Variants in PLD5 observed in about 807,000 individuals in gnomAD.
The protein encoded by PLD5 is inactive phospholipase D5.
In PLD5, 36 loss-of-function variants were observed where a neutral mutation model predicts 61.1. The ratio of observed to expected loss-of-function variants is 0.59; its 90% confidence interval spans 0.45 to 0.78. PLD5 has a LOEUF of 0.78. Ranked by LOEUF, PLD5 falls within the 30% of genes least tolerant of loss-of-function variation. The pLI is 0.00. For synonymous variants in PLD5, 243 were observed against 242.8 expected, an observed-to-expected ratio of 1.00 and a Z score of -0.01; for missense variants, 515 against 644.4, an observed-to-expected ratio of 0.80 and a Z score of 2.17.
At chr1:242,481,700 T>G (rs1667782910) in intron 1 of PLD5, among the ~76,000 whole-genome samples, 1 of 152,220 alleles carries the variant, frequency 6.6e-6, no homozygotes, top group African/African-American at 2.4e-5. Context: ...TTGACAGCTT[T>G]GAAGACAGTA....
At chr1:242,354,693 T>A (rs534078964) in intron 1 of PLD5, among the ~76,000 whole-genome samples, 22 of 152,178 alleles carry the variant, frequency 1.4e-4, no homozygotes, top group African/African-American at 4.6e-4. Flanking sequence ...AGAATGGGCA[T>A]CCTTGTCTTA....
intron 1 of PLD5, among the ~76,000 whole-genome samples, chr1:242,440,423 T>G (rs1666218820): frequency 6.6e-6 from 1 of 152,152 alleles, no homozygotes; most frequent in East Asian, 1.9e-4. Flanking sequence ...CCCACCTAAG[T>G]GTAGTTCCTA....
chr1:242,307,365 A>G (rs199688437), intron 2 of PLD5, among the ~76,000 whole-genome samples: 64 of 148,860 alleles, frequency 4.3e-4, no homozygotes, highest in African/African-American at 1.4e-3. Context: ...GATGATGGTG[A>G]TGATGATGAT....
intron 1 of PLD5, among the ~76,000 whole-genome samples, chr1:242,370,060 A>C (rs1661549983): frequency 6.6e-6 from 1 of 152,184 alleles, no homozygotes; most frequent in South Asian, 2.1e-4. Flanking sequence ...TTTCTTTGCC[A>C]ATGATTGGTG....
intron 4 of PLD5, among the ~76,000 whole-genome samples, chr1:242,249,307 G>A (rs1421982140): frequency 1.3e-5 from 2 of 152,172 alleles, no homozygotes; most frequent in African/African-American, 2.4e-5. Context: ...AAATGGTACA[G>A]CAAGAAGGTC....
At chr1:242,236,032 C>G (rs1411418960) in intron 4 of PLD5, 1 of 152,178 alleles carries the variant, frequency 6.6e-6, no homozygotes, top group East Asian at 1.9e-4. Context: ...ACGGTCTGAA[C>G]ATGTGATTCG....
chr1:242,476,957 T>C (rs558581970), intron 1 of PLD5, among the ~76,000 whole-genome samples: 22 of 152,166 alleles, frequency 1.4e-4, no homozygotes, highest in Admixed American at 1.2e-3. Context: ...ATTCTACTAA[T>C]AGTAAGGGCT....
chr1:242,100,604 C>T, intron 9 of PLD5, 64 bp downstream of exon 9: 3 of 1,209,164 alleles, frequency 2.5e-6, no homozygotes, highest in South Asian at 2.5e-5. Context: ...TACCGTGGAG[C>T]ACAGCTGGAC....
chr1:242,377,752 T>C (rs926719968), intron 1 of PLD5, among the ~76,000 whole-genome samples: 3 of 152,102 alleles, frequency 2.0e-5, no homozygotes, highest in Non-Finnish European at 4.4e-5. Context: ...AATACACAAA[T>C]GATTAATAAG....
chr1:242,282,059 C>T (rs1047087100), intron 3 of PLD5, among the ~76,000 whole-genome samples: 4 of 152,080 alleles, frequency 2.6e-5, no homozygotes, highest in Non-Finnish European at 5.9e-5. Flanking sequence ...TAAGAACTTG[C>T]TAACAGAATA....
chr1:242,271,273 GAT>G (rs769664822), intron 3 of PLD5, among the ~76,000 whole-genome samples: 1 of 147,010 alleles, frequency 6.8e-6, no homozygotes, highest in Non-Finnish European at 1.5e-5. Context: ...GGAAAAGGCT[GAT>G]ATATAAATAG....
rs1659397584 is a variant in PLD5, at chr1:242,085,258, A to G, written c.*4596T>C. The G allele has an allele frequency of 6.6e-6, 1 of 152,172 alleles. No individual in the cohort carries two copies. Among genetic ancestry groups the G allele is most frequent in the African/African-American group, 2.4e-5 (1 of 41,440 alleles). The allele number at this position is 152,172 out of a possible 1,614,324, so 9.4% of individuals were successfully genotyped here. On this transcript the variant is annotated 3_prime_UTR_variant, in exon 10 of 10. Coordinates refer to ENST00000536534, the MANE Select transcript of PLD5 (RefSeq NM_001372062.1). ...TAACTTTTTTTTTTCAAATTGCCAA[A>G]AGAAGCGTTAATGACCAGTGAAGTT...
intron 1 of PLD5, among the ~76,000 whole-genome samples, chr1:242,429,153 G>A (rs1012469005): frequency 5.9e-5 from 9 of 152,334 alleles, no homozygotes; most frequent in African/African-American, 2.2e-4. Flanking sequence ...ATATTGAAAT[G>A]AAAAGGAAAG....
intron 2 of PLD5, among the ~76,000 whole-genome samples, chr1:242,291,213 C>T (rs1037851553): frequency 6.6e-6 from 1 of 152,072 alleles, no homozygotes; most frequent in Non-Finnish European, 1.5e-5. Context: ...CAAAACTTCA[C>T]TTCTCCTGAT....
chr1:242,481,567 C>A, intron 1 of PLD5, among the ~76,000 whole-genome samples: 1 of 152,364 alleles, frequency 6.6e-6, no homozygotes, highest in South Asian at 2.1e-4. Context: ...CTGGGAAGCT[C>A]GAACTGGGTG....
intron 5 of PLD5, among the ~76,000 whole-genome samples, chr1:242,190,138 C>CTTTTTTTTTT (rs902616187): frequency 2.7e-5 from 2 of 74,402 alleles, no homozygotes; most frequent in Admixed American, 2.1e-4. Flanking sequence ...GACAGGACTC[C>CTTTTTTTTTT]TTTTTTTTTT....
intron 5 of PLD5, among the ~76,000 whole-genome samples, chr1:242,200,512 G>A (rs1369276350): frequency 1.3e-5 from 2 of 152,130 alleles, no homozygotes; most frequent in African/African-American, 4.8e-5. Flanking sequence ...AGTTAAAGAA[G>A]GCTCTCAGCT....
At chr1:242,347,591 C>G (rs1385387552) in intron 2 of PLD5, among the ~76,000 whole-genome samples, 3 of 152,162 alleles carry the variant, frequency 2.0e-5, no homozygotes, top group Admixed American at 1.3e-4. Context: ...CATACATAAA[C>G]CTGTAAAGCT....
At chr1:242,213,899 C>G (rs1382429292) in intron 5 of PLD5, among the ~76,000 whole-genome samples, 2 of 151,496 alleles carry the variant, frequency 1.3e-5, no homozygotes, top group African/African-American at 2.4e-5. Context: ...CTAAAACACT[C>G]TCTCCCTATA....
Sources: allele counts gnomAD v4.1 joint callset (sites outside exome capture counted in the v4.1 genomes callset), GRCh38; gene constraint gnomAD v4.1.1; transcripts MANE v1.5; gene names NCBI Gene and HGNC (gene_info 2026-07-23, HGNC 2026-07-21).